The following RAD51B variants were observed in gnomAD, a reference collection of about 807,000 sequenced individuals.
RAD51B encodes the protein RAD51 paralog B, also known as DNA repair protein RAD51 homolog 2.
A neutral mutation model predicts 42.2 loss-of-function variants in RAD51B; 38 were observed. The ratio of observed to expected loss-of-function variants is 0.90; its 90% CI spans 0.70 to 1.18. RAD51B has a LOEUF of 1.18. RAD51B is among the 50% of genes most tolerant of loss of function. The pLI is 0.00. For synonymous variants in RAD51B, 154 were observed against 145.2 expected (o/e 1.06, Z -0.43); for missense variants, 373 against 400.7 (o/e 0.93, Z 0.59).
intron 4 of RAD51B, among the ~76,000 whole-genome samples, chr14:67,846,685 C>T (rs2041627319): frequency 6.6e-6 from 1 of 152,122 alleles, no homozygotes; most frequent in Admixed American, 6.5e-5. Flanking sequence ...CAAGTGTGCT[C>T]CACCAGGTTG....
At chr14:68,335,204 G>T (rs2082426668) in intron 8 of RAD51B, among the ~76,000 whole-genome samples, 1 of 148,794 alleles carries the variant, frequency 6.7e-6, no homozygotes. Context: ...AGCTGAAGCA[G>T]GAGTATCGCT....
chr14:68,386,008 G>T (rs1049051565), intron 8 of RAD51B, among the ~76,000 whole-genome samples: 1 of 152,140 alleles, frequency 6.6e-6, no homozygotes, highest in African/African-American at 2.4e-5. Context: ...AGCCACTTGT[G>T]GTCACTTAAG....
At chr14:67,936,630 A>G (rs1003821495) in intron 7 of RAD51B, among the ~76,000 whole-genome samples, 13 of 152,188 alleles carry the variant, frequency 8.5e-5, no homozygotes, top group African/African-American at 2.9e-4. Flanking sequence ...GAATTGCTGG[A>G]TCATATGGCA....
chr14:68,533,052 A>G (rs1887409184), intron 10 of RAD51B, among the ~76,000 whole-genome samples: 1 of 152,218 alleles, frequency 6.6e-6, no homozygotes, highest in South Asian at 2.1e-4. Flanking sequence ...TGGAAGTCCT[A>G]CCAGTGCAAT....
chr14:68,000,720 CT>C (rs1566568779), intron 7 of RAD51B, among the ~76,000 whole-genome samples: 1 of 151,990 alleles, frequency 6.6e-6, no homozygotes, highest in African/African-American at 2.4e-5. Flanking sequence ...AAAAATAAGC[CT>C]CATGGAGAAG....
intron 7 of RAD51B, among the ~76,000 whole-genome samples, chr14:68,086,071 C>T (rs559755340): frequency 1.3e-5 from 2 of 152,256 alleles, no homozygotes; most frequent in East Asian, 3.9e-4. Context: ...GGAGTTCTTG[C>T]CTTGGTGTAA....
chr14:68,541,459 G>T, intron 10 of RAD51B: 5 of 985,394 alleles, frequency 5.1e-6, no homozygotes, highest in Non-Finnish European at 6.0e-6. Context: ...GTCAGGAGGG[G>T]GAATGGCCCC....
chr14:68,201,028 C>G (rs1006633971), intron 7 of RAD51B, among the ~76,000 whole-genome samples: 2 of 152,116 alleles, frequency 1.3e-5, no homozygotes, highest in African/African-American at 4.8e-5. Context: ...TAAGATTTCC[C>G]TCCCAAAGTC....
intron 8 of RAD51B, among the ~76,000 whole-genome samples, chr14:68,330,935 A>G (rs2139800190): frequency 6.6e-6 from 1 of 152,172 alleles, no homozygotes; most frequent in East Asian, 1.9e-4. Flanking sequence ...TGTATGTGGC[A>G]TATTTCCTAC....
chr14:68,485,536 C>A (rs1168536163), intron 10 of RAD51B, among the ~76,000 whole-genome samples: 2 of 150,366 alleles, frequency 1.3e-5, no homozygotes, highest in Admixed American at 6.6e-5. Flanking sequence ...ACTTCCTTTT[C>A]AAAAAAAAAC....
At chr14:68,147,038 C>T (rs1437399347) in intron 7 of RAD51B, among the ~76,000 whole-genome samples, 3 of 152,136 alleles carry the variant, frequency 2.0e-5, no homozygotes, top group Admixed American at 1.3e-4. Flanking sequence ...CATTGAGACT[C>T]GCCACTTAGA....
chr14:68,660,577 CA>C (rs1324337102), intron 11 of RAD51B, among the ~76,000 whole-genome samples: 3 of 152,198 alleles, frequency 2.0e-5, no homozygotes, highest in Admixed American at 6.5e-5. Flanking sequence ...CCTGGGCAGA[CA>C]CGGGGTTCCA....
chr14:68,639,674 G>A (rs1892414548), intron 10 of RAD51B, among the ~76,000 whole-genome samples: 1 of 152,246 alleles, frequency 6.6e-6, no homozygotes, highest in African/African-American at 2.4e-5. Flanking sequence ...AGACAGCACT[G>A]CAGACACTTT....
chr14:67,856,015 TCTG>T, intron 4 of RAD51B, among the ~76,000 whole-genome samples: 1 of 152,378 alleles, frequency 6.6e-6, no homozygotes, highest in African/African-American at 2.4e-5. Flanking sequence ...AAATAAACAT[TCTG>T]CTCTGTAATG....
chr14:68,426,054 C>T (rs8005860), intron 9 of RAD51B, among the ~76,000 whole-genome samples: 5 of 146,206 alleles, frequency 3.4e-5, no homozygotes, highest in African/African-American at 1.3e-4. Flanking sequence ...CTTTCTCTCT[C>T]TCTCTCTTTC....
intron 8 of RAD51B, among the ~76,000 whole-genome samples, chr14:68,327,652 C>A (rs185717341): frequency 1.8e-4 from 27 of 151,714 alleles, no homozygotes; most frequent in Non-Finnish European, 3.1e-4. Flanking sequence ...CAACAAGGAG[C>A]CAAAGGTAAA....
At chr14:68,679,130 T>C (rs1237305163) in intron 11 of RAD51B, among the ~76,000 whole-genome samples, 1 of 152,186 alleles carries the variant, frequency 6.6e-6, no homozygotes, top group African/African-American at 2.4e-5. Context: ...CAAATGTAAG[T>C]AATGTAAGTA....
At chr14:68,097,403 T>C (rs372933670) in intron 7 of RAD51B, among the ~76,000 whole-genome samples, 3 of 152,310 alleles carry the variant, frequency 2.0e-5, no homozygotes, top group East Asian at 3.9e-4. Context: ...TTCTGCTTGT[T>C]CTTCTGTCTG....
intron 10 of RAD51B, among the ~76,000 whole-genome samples, chr14:68,474,212 G>A: frequency 6.7e-6 from 1 of 148,190 alleles, no homozygotes; most frequent in East Asian, 2.0e-4. Context: ...AAATGGAATG[G>A]CTGGTCAGAG....
Sources: allele counts gnomAD v4.1 joint callset (sites outside exome capture counted in the v4.1 genomes callset), GRCh38; gene constraint gnomAD v4.1.1; transcripts MANE v1.5; gene names NCBI Gene and HGNC (gene_info 2026-07-23, HGNC 2026-07-21).